The following TSPAN9 variants were observed in gnomAD, a reference collection of about 807,000 sequenced individuals.
TSPAN9 encodes tetraspanin 9.
In TSPAN9, 16 loss-of-function variants were observed where a neutral mutation model predicts 31.0. That is an observed-to-expected ratio of 0.52 (90% confidence interval 0.35 to 0.78). The LOEUF is 0.78. TSPAN9 is among the 30% of genes least tolerant of loss of function. The pLI is 0.01. For synonymous variants in TSPAN9, 145 were observed against 121.6 expected (o/e 1.19, Z -1.27); for missense variants, 272 against 312.5 (o/e 0.87, Z 0.98).
rs2098365550 is a variant in TSPAN9 at position 3,193,527 on chromosome 12, G to A, written c.-17-7650G>A. On this transcript the variant is annotated intron_variant, in intron 2 of 8. Coordinates refer to ENST00000011898, the MANE Select transcript of TSPAN9 (RefSeq NM_006675.5). ...GTGGGTAGACTGTACACACAGCCAA[G>A]GGTCTCTGCATGGCCATGTTTTCTG... Among the ~76,000 whole-genome samples the A allele has an allele frequency of 2.0e-5, 3 of 152,232 alleles. No homozygotes were observed. The South Asian group carries it at 6.2e-4, about 32-fold the overall frequency.
chr12:3,239,789 G>A (rs918270673), intron 3 of TSPAN9, among the ~76,000 whole-genome samples: 5 of 152,152 alleles, frequency 3.3e-5, no homozygotes, highest in African/African-American at 1.2e-4. Context: ...GTCCTGATGG[G>A]GAAGGGTGGA....
intron 2 of TSPAN9, among the ~76,000 whole-genome samples, chr12:3,109,299 T>TGTGAGA (rs1274383200): frequency 4.2e-5 from 5 of 118,304 alleles, no homozygotes; most frequent in African/African-American, 9.1e-5. Context: ...TGTGTGTGTG[T>TGTGAGA]GAGAGAGAGT....
intron 2 of TSPAN9, among the ~76,000 whole-genome samples, chr12:3,093,501 G>A (rs1020522049): frequency 3.9e-5 from 6 of 152,182 alleles, no homozygotes; most frequent in African/African-American, 7.2e-5. Context: ...GCTACAGAAC[G>A]TGGATGGGGG....
intron 2 of TSPAN9, among the ~76,000 whole-genome samples, chr12:3,153,092 G>C (rs2098340637): frequency 6.6e-6 from 1 of 152,138 alleles, no homozygotes; most frequent in South Asian, 2.1e-4. Flanking sequence ...GGTGGTGCAG[G>C]GCAGGCCTTC....
At chr12:3,153,161 C>G (rs4765714) in intron 2 of TSPAN9, among the ~76,000 whole-genome samples, 149,620 of 152,310 alleles carry the variant, frequency 0.98, 73,539 homozygotes, top group East Asian at 1. Flanking sequence ...ACCCCTGTGG[C>G]AGTCCCGGAA....
intron 3 of TSPAN9, among the ~76,000 whole-genome samples, chr12:3,276,930 C>T (rs757443267): frequency 6.6e-6 from 1 of 152,122 alleles, no homozygotes; most frequent in Non-Finnish European, 1.5e-5. Flanking sequence ...TGCCTAATTG[C>T]GGGTTGCCCT....
intron 3 of TSPAN9, among the ~76,000 whole-genome samples, chr12:3,209,996 T>G (rs1460508636): frequency 0.01 from 843 of 82,394 alleles, 3 homozygotes; most frequent in Middle Eastern, 0.02. Context: ...ATTAGCCGGG[T>G]GTGGTGGCGG....
rs1313534703 is a variant in TSPAN9, at chr12:3,268,311, G to A, written c.64-10110G>A. ...AGCCTGCCCCCTCTGTGTTCCTGCA[G>A]CCTGCCCTCTCTGTGTTCCTGCAGC... On this transcript the variant is annotated intron_variant, in intron 3 of 8. Coordinates refer to ENST00000011898, the MANE Select transcript of TSPAN9 (RefSeq NM_006675.5). Among the ~76,000 whole-genome samples the A allele has an allele frequency of 5.3e-5, 7 of 131,600 alleles. No homozygotes were observed. In the Admixed American group the frequency reaches 5.4e-4, roughly 10 times the overall value. 86.3% of individuals were successfully genotyped at this position (131,600 alleles called of 152,430 possible).
chr12:3,118,260 T>TTTTTTTTTTTTG (rs2098323432), intron 2 of TSPAN9, among the ~76,000 whole-genome samples: 2 of 71,264 alleles, frequency 2.8e-5, no homozygotes, highest in Non-Finnish European at 2.5e-5. Flanking sequence ...CCCGCCGTTT[T>TTTTTTTTTTTTG]TTTTTTTTTT....
intron 3 of TSPAN9, among the ~76,000 whole-genome samples, chr12:3,251,355 G>A (rs982829602): frequency 1.3e-5 from 2 of 151,762 alleles, no homozygotes; most frequent in African/African-American, 4.9e-5. Flanking sequence ...GAAGGGTGCT[G>A]GGGGTGTGGG....
intron 2 of TSPAN9, among the ~76,000 whole-genome samples, chr12:3,116,592 C>G (rs2098322577): frequency 6.6e-6 from 1 of 152,098 alleles, no homozygotes; most frequent in African/African-American, 2.4e-5. Flanking sequence ...GGAAGGGTCC[C>G]CGTAGGTCAC....
chr12:3,100,140 G>A (rs531762395), intron 2 of TSPAN9, among the ~76,000 whole-genome samples: 62 of 152,116 alleles, frequency 4.1e-4, no homozygotes, highest in African/African-American at 1.4e-3. Context: ...CACCGCGCCC[G>A]GCCAAGGTCT....
At chr12:3,225,031 G>A (rs1023296292) in intron 3 of TSPAN9, among the ~76,000 whole-genome samples, 1 of 151,680 alleles carries the variant, frequency 6.6e-6, no homozygotes, top group Non-Finnish European at 1.5e-5. Flanking sequence ...CACCTTTGCG[G>A]TGCACAGGAT....
At chr12:3,106,946 A>T (rs2098315010) in intron 2 of TSPAN9, among the ~76,000 whole-genome samples, 1 of 152,066 alleles carries the variant, frequency 6.6e-6, no homozygotes, top group African/African-American at 2.4e-5. Context: ...GGCCCTGGGG[A>T]TGGAGGGTGC....
intron 2 of TSPAN9, among the ~76,000 whole-genome samples, chr12:3,104,490 C>T (rs1003154213): frequency 6.6e-6 from 1 of 152,068 alleles, no homozygotes; most frequent in African/African-American, 2.4e-5. Context: ...GTAGCTGGGA[C>T]TGTAAGCATG....
chr12:3,246,104 C>T (rs1370458858), intron 3 of TSPAN9, among the ~76,000 whole-genome samples: 1 of 147,762 alleles, frequency 6.8e-6, no homozygotes, highest in Admixed American at 6.9e-5. Flanking sequence ...TCTGCTGAGG[C>T]CTCAGAGAGC....
At chr12:3,167,239 A>C (rs2098348984) in intron 2 of TSPAN9, among the ~76,000 whole-genome samples, 1 of 152,206 alleles carries the variant, frequency 6.6e-6, no homozygotes, top group Non-Finnish European at 1.5e-5. Context: ...CACTAATGAG[A>C]TATCTCACTG....
At chr12:3,209,956 C>T (rs1223634683) in intron 3 of TSPAN9, among the ~76,000 whole-genome samples, 11 of 83,460 alleles carry the variant, frequency 1.3e-4, no homozygotes, top group Non-Finnish European at 1.9e-4. Context: ...GAGACTCTGT[C>T]CCAAAAAAAA....
chr12:3,248,724 G>A (rs1862187227), intron 3 of TSPAN9, among the ~76,000 whole-genome samples: 1 of 151,934 alleles, frequency 6.6e-6, no homozygotes, highest in African/African-American at 2.4e-5. Flanking sequence ...AAAAGAATTT[G>A]ACTTTGAGGT....
Sources: gnomAD v4.1 joint callset for allele counts (sites outside exome capture counted in the v4.1 genomes callset) on GRCh38, gnomAD v4.1.1 for gene constraint, MANE v1.5 for transcripts, NCBI Gene and HGNC (gene_info 2026-07-23, HGNC 2026-07-21) for gene names.